ABTB1: variants seen among roughly 807,000 people sequenced by gnomAD.
The protein encoded by ABTB1 is ankyrin repeat and BTB domain containing 1.
ABTB1 carries 45 observed loss-of-function variants against 57.1 expected under a neutral mutation model. That is an observed-to-expected ratio of 0.79 (90% CI 0.62 to 1.01). ABTB1 has a LOEUF of 1.01. ABTB1 is among the 50% of genes least tolerant of loss of function. ABTB1 has a pLI of 0.00. For missense variants in ABTB1, 630 were observed against 666.3 expected (o/e 0.95, Z 0.60); for synonymous variants, 302 against 275.4 (o/e 1.10, Z -0.95).
At chr3:127,675,249 C>CTA (rs2074950388) in intron 3 of ABTB1, among the ~76,000 whole-genome samples, 3 of 150,672 alleles carry the variant, frequency 2.0e-5, no homozygotes, top group Admixed American at 2.0e-4. Context: ...ATTCTTCTTC[C>CTA]TATTTTGGTT....
At chr3:127,679,913 T>G in intron 10 of ABTB1, 72 bp from the exon 11 acceptor site, 1 of 1,472,018 alleles carries the variant, frequency 6.8e-7, no homozygotes, top group Non-Finnish European at 9.3e-7. Context: ...CCACAGGCCC[T>G]AGCCTTGGCT....
In ABTB1 at chr3:127,677,150, G is replaced by T; in HGVS notation, c.644-18G>T. 1 of 1,613,386 alleles carries T rather than the reference G, an allele frequency of 6.2e-7. No individual in the cohort carries two copies. Among genetic ancestry groups the T allele is most frequent in the Non-Finnish European group, 8.5e-7 (1 of 1,179,644 alleles). On this transcript the variant is annotated intron_variant, in intron 7 of 11. Transcript: ENST00000232744. ...GGCAGGGCTGGCCTGGCTCCCTGAA[G>T]TTGTTCTTCCCCTGTAGTGGCGTCT...
Position 127,677,516 on chromosome 3 carries a change from C to T in ABTB1, c.814C>T (p.Pro272Ser). The change falls in exon 9 of 12, where the codon CCT (proline) becomes TCT (serine). Residue 272 changes from proline to serine, a missense_variant. By Grantham distance (74) the Pro-to-Ser change is moderately conservative. Around this residue, in one of 3 missense-constraint regions of ABTB1, gnomAD observed 579 missense variants for 585.9 expected, o/e 0.99. Transcript: ENST00000232744. The part of the protein sequence containing the change: ...FPCPDGFNSC[P>S]DICFRVAGCS... ...TTGTCCTGACGGCTTCAACAGCTGCCCTGACATCTGCTTCCGAGTGGCTGG... is the reference window on the plus strand; with the variant it reads ...TTGTCCTGACGGCTTCAACAGCTGCTCTGACATCTGCTTCCGAGTGGCTGG... The T allele has an allele frequency of 2.5e-6, 4 of 1,614,106 alleles. No homozygotes were observed. The highest frequency in any genetic ancestry group is 3.4e-6 in the Non-Finnish European group (4 of 1,180,030).
At position 127,680,340 on chromosome 3, in the gene ABTB1, G is replaced by A. The variant is rs776647759; in HGVS notation, c.1302G>A (p.Thr434=). The change falls in exon 12 of 12, where the codon ACG becomes ACA. Residue 434 remains threonine (T), a synonymous_variant. Transcript: ENST00000232744. ...EAAAVAARQE[T]DSIPLVDDIR... is the part of the protein sequence containing the mutation. The stretch of plus-strand genomic sequence containing the variant: ...CGGCTGTGGCAGCCCGGCAGGAGAC[G>A]GACTCTATCCCGCTGGTGGACGACA... The A allele has an allele frequency of 3.5e-5, 56 of 1,610,010 alleles. 4 individuals carry two copies. The South Asian group carries it at 4.3e-4, about 12-fold the overall frequency.
chr3:127,679,510 C>T (rs1039414338), intron 10 of ABTB1: 1 of 457,070 alleles, frequency 2.2e-6, no homozygotes, highest in African/African-American at 2.0e-5. Flanking sequence ...AGATAGTCTC[C>T]CACCCCTGGC....
rs866798605 is a variant in ABTB1 at position 127,679,915 on chromosome 3, G to A, written c.1030-70G>A. On this transcript the variant is annotated intron_variant, in intron 10 of 11. Coordinates refer to ENST00000232744, the MANE Select transcript of ABTB1 (RefSeq NM_172027.3). ...TGCCCCCCAACCACCACAGGCCCTA[G>A]CCTTGGCTGTTGTGCCCTGGGAGCC... 5 of 1,523,662 alleles carry A rather than the reference G, an allele frequency of 3.3e-6. No homozygotes were observed. In the Middle Eastern group the frequency reaches 5.8e-4, roughly 175 times the overall value. The allele number at this position is 1,523,662 out of a possible 1,614,324, so 94.4% of individuals were successfully genotyped here.
rs2074985558 is a variant in ABTB1, at chr3:127,676,426, C to T, written c.475C>T (p.Pro159Ser). 6.2e-7 allele frequency: 1 copy of T among 1,613,862 alleles called. No individual in the cohort carries two copies. The highest frequency in any genetic ancestry group is 1.3e-5 in the African/African-American group (1 of 74,888). The change falls in exon 5 of 12, where the codon CCA becomes TCA. Residue 159 changes from proline to serine, a missense_variant. By Grantham distance (74) the Pro-to-Ser change is moderately conservative. This residue lies in a region of ABTB1 where 579 missense variants were observed against 585.9 expected (regional missense o/e 0.99). Transcript: ENST00000232744. The surrounding 1 kb of genome is among the most constrained non-coding windows in gnomAD (Gnocchi z 5.4). ...CAAGAGTGTCGTGGTTCTCAGGCAC[C>T]CACTGGTATGTCCCTTCAGGGTGGC... ...KGKSVVVLRH[P>S]LINPVAFGAL... is the part of the protein sequence containing the mutation.
At position 127,679,734 on chromosome 3, in the gene ABTB1, C is replaced by T. The variant is rs185641566; in HGVS notation, c.1030-251C>T. On this transcript the variant is annotated intron_variant, in intron 10 of 11. Transcript: ENST00000232744. ...CTCCTGCGAGGGCCCTGCCTCCCGC[C>T]TGCCCTGCCAGCCTGCTCAGGGCAT... 1.7e-3 allele frequency: 992 copies of T among 593,490 alleles called. 7 individuals carry two copies. Among genetic ancestry groups the T allele is most frequent in the African/African-American group, 0.015 (820 of 54,454 alleles). 36.8% of individuals were successfully genotyped at this position (593,490 alleles called of 1,614,324 possible). A position where few individuals can be genotyped will look rare whatever the true frequency, so the allele number is the denominator to read the frequency against.
chr3:127,680,733 TG>T lies in ABTB1; in HGVS notation c.*263del. On this transcript the variant is annotated 3_prime_UTR_variant, in exon 12 of 12. Transcript: ENST00000232744. ...GGACACCACTCAGGGAAACCTGGGG[TG>T]GGGGTGGGCTTTGGTCTTAGCACTT... 1 of 673,722 alleles carries T rather than the reference TG, an allele frequency of 1.5e-6. No individual in the cohort carries two copies. Among genetic ancestry groups the T allele is most frequent in the South Asian group, 1.7e-5 (1 of 58,806 alleles). 41.7% of individuals were successfully genotyped at this position (673,722 alleles called of 1,614,324 possible). A position where few individuals can be genotyped will look rare whatever the true frequency, so the allele number is the denominator to read the frequency against.
chr3:127,676,983 C>T lies in ABTB1; in HGVS notation c.543C>T (p.Gly181=), dbSNP rs1415046935. The T allele has an allele frequency of 6.2e-7, 1 of 1,613,780 alleles. No individual in the cohort carries two copies. The change falls in exon 7 of 12, where the codon GGC becomes GGT. Residue 181 remains glycine (G), a synonymous_variant. Coordinates refer to ENST00000232744, the MANE Select transcript of ABTB1 (RefSeq NM_172027.3). This position sits in a 1 kb window ranked among gnomAD's most constrained non-coding sequence, Gnocchi z 5.4. ...QYLYTGRLDI[G]VEHVSDCERL... ...TGCCCCCAGGCCGCCTGGACATTGG[C>T]GTAGAGCATGTGAGTGACTGTGAGC...
At position 127,676,679 on chromosome 3, in the gene ABTB1, C is replaced by T. The variant is rs2074991037; in HGVS notation, c.526+98C>T. 2 of 1,485,896 alleles carry T rather than the reference C, an allele frequency of 1.3e-6. No homozygotes were observed. Among genetic ancestry groups the T allele is most frequent in the Non-Finnish European group, 9.3e-7 (1 of 1,071,854 alleles). The allele number at this position is 1,485,896 out of a possible 1,614,324, so 92.0% of individuals were successfully genotyped here. ...GCTGGGCTGACCTTTCACCTCTAGA[C>T]ACTTCATGGTCCCCCCGGGGTGGTT... is the stretch of plus-strand genomic sequence containing the variant. On this transcript the variant is annotated intron_variant, in intron 6 of 11. Transcript: ENST00000232744. This position sits in a 1 kb window ranked among gnomAD's most constrained non-coding sequence, Gnocchi z 5.4.
intron 10 of ABTB1, chr3:127,678,611 A>G (rs1050939162): frequency 5.3e-5 from 8 of 152,282 alleles, no homozygotes; most frequent in Non-Finnish European, 1.2e-4. Context: ...GTGAGGCTGC[A>G]TTCCAATAAA....
chr3:127,679,958 G>A (rs1390669487), intron 10 of ABTB1, 27 bp from the exon 11 acceptor site: 2 of 1,609,690 alleles, frequency 1.2e-6, no homozygotes, highest in East Asian at 2.2e-5. Context: ...ACCTCGGGGG[G>A]CACCTTCATC....
At chr3:127,678,317 T>TGCGTGC (rs139016470) in intron 10 of ABTB1, 105,038 of 158,194 alleles carry the variant, frequency 0.66, 35,947 homozygotes, top group Non-Finnish European at 0.74. Flanking sequence ...AGTGTGTGTG[T>TGCGTGC]GCGTGCGCGT....
chr3:127,673,402 A>AC (rs988851614), intron 1 of ABTB1: 7 of 213,062 alleles, frequency 3.3e-5, no homozygotes, highest in East Asian at 1.0e-4. Context: ...CGGACGTCAG[A>AC]CCCCCCGGGC....
chr3:127,673,330 G>T (rs1204554709), intron 1 of ABTB1: 5 of 322,130 alleles, frequency 1.6e-5, no homozygotes, highest in Non-Finnish European at 2.8e-5. Context: ...CTGCTCAGCG[G>T]AGGCCCGAAG....
rs1165291150 is a variant in ABTB1 at position 127,680,847 on chromosome 3, G to A, written c.*372G>A. On this transcript the variant is annotated 3_prime_UTR_variant, in exon 12 of 12. Coordinates refer to ENST00000232744, the MANE Select transcript of ABTB1 (RefSeq NM_172027.3). ...CCCTGAATTGCTTCTCTAAGCTGGT[G>A]TTCCCATGCACAGGGCCATTCAGGA... The A allele has an allele frequency of 8.0e-6, 5 of 622,038 alleles. No homozygotes were observed. The South Asian group carries it at 8.1e-5, about 10-fold the overall frequency. 38.5% of individuals were successfully genotyped at this position (622,038 alleles called of 1,614,324 possible).
rs2075004164 is a variant in ABTB1 at position 127,677,195 on chromosome 3, AG to A, written c.673del (p.Val225CysfsTer2). The A allele has an allele frequency of 6.2e-7, 1 of 1,612,712 alleles. No homozygotes were observed. Among genetic ancestry groups the A allele is most frequent in the Non-Finnish European group, 8.5e-7 (1 of 1,179,562 alleles). ...GCGTCTAAGCCAGGCACGTGTGTGA[AG>A]GTGCTGACCATCGAGCCCCCACCTG... ...FVASKPGTCV[K>X]VLTIEPPPAD... is the part of the protein sequence containing the mutation. On this transcript the variant is annotated frameshift_variant, in exon 8 of 12. Transcript: ENST00000232744. LOFTEE classifies it high-confidence loss of function.
In ABTB1 at chr3:127,679,882, C is replaced by G. The variant is rs550301276; in HGVS notation, c.1030-103C>G. The G allele has an allele frequency of 6.7e-6, 8 of 1,198,758 alleles. No homozygotes were observed. The African/African-American group carries it at 9.0e-5, about 13-fold the overall frequency. The allele number at this position is 1,198,758 out of a possible 1,614,324, so 74.3% of individuals were successfully genotyped here. On this transcript the variant is annotated intron_variant, in intron 10 of 11. Transcript: ENST00000232744. ...AGCTCCTACTCCCACTGGAAGCCTT[C>G]CCGCCAGTGCCCCCCAACCACCACA...
Sources: gnomAD v4.1 joint callset for allele counts (sites outside exome capture counted in the v4.1 genomes callset) on GRCh38, gnomAD v4.1.1 for gene constraint, gnomAD v4.1.1 regional missense constraint, Gnocchi (gnomAD v3.1) non-coding constraint, MANE v1.5 for transcripts, NCBI Gene and HGNC (gene_info 2026-07-23, HGNC 2026-07-21) for gene names.